Variants in MUC22 observed in about 807,000 individuals in gnomAD.
MUC22 encodes mucin-22.
In MUC22, 24 loss-of-function variants were observed where a neutral mutation model predicts 40.3. The ratio of observed to expected loss-of-function variants is 0.60; its 90% CI spans 0.43 to 0.84. MUC22 has a LOEUF of 0.84. Ranked by LOEUF, MUC22 falls within the 40% of genes least tolerant of loss-of-function variation. The probability of loss-of-function intolerance (pLI) is 0.00; values close to 1 mark genes in which losing one functional copy is unlikely to be tolerated. For missense variants in MUC22, 1,926 were observed against 2,130.7 expected (o/e 0.90, Z 1.89); for synonymous variants, 765 against 844.5 (o/e 0.91, Z 1.63).
At chr6:31,010,853 C>T in intron 1 of MUC22, 77 bp downstream of exon 1, 2 of 676,938 alleles carry the variant, frequency 3.0e-6, no homozygotes, top group African/African-American at 1.8e-5. Flanking sequence ...GAATCCCCTG[C>T]CCAGGCATGA....
chr6:31,034,555 G>A (rs1766304811), intron 3 of MUC22, 117 bp from the exon 4 acceptor site: 1 of 792,064 alleles, frequency 1.3e-6, no homozygotes, highest in African/African-American at 1.7e-5. Flanking sequence ...GTAAAGAGAA[G>A]AGAACATGGG....
upstream of MUC22, among the ~76,000 whole-genome samples, chr6:31,006,560 C>T (rs2844667): frequency 0.15 from 22,466 of 151,986 alleles, 1,741 homozygotes; most frequent in Admixed American, 0.2. Context: ...CTGACGTCAA[C>T]GAGGTGGGGA....
intron 1 of MUC22, among the ~76,000 whole-genome samples, chr6:31,020,853 C>T (rs1764652837): frequency 6.6e-6 from 1 of 152,232 alleles, no homozygotes; most frequent in Non-Finnish European, 1.5e-5. Flanking sequence ...CAGTGAGGGG[C>T]TTAGCACCCG....
chr6:31,026,200 A>G, exon 2 of MUC22: 1 of 1,521,742 alleles, frequency 6.6e-7, no homozygotes, highest in Non-Finnish European at 8.8e-7. Context: ...GAGCTCTGAG[A>G]CCACTGTGGC....
upstream of MUC22, among the ~76,000 whole-genome samples, chr6:31,007,369 TG>T (rs1176375062): frequency 3.3e-5 from 5 of 152,348 alleles, no homozygotes; most frequent in Admixed American, 2.6e-4. The surrounding 1 kb of genome is among the most constrained non-coding windows in gnomAD (Gnocchi z 4.0). Context: ...GGTCCGTTTG[TG>T]GGAAAATGGG....
chr6:31,015,335 A>G (rs948813664), intron 1 of MUC22, among the ~76,000 whole-genome samples: 2 of 152,178 alleles, frequency 1.3e-5, no homozygotes, highest in African/African-American at 4.8e-5. Flanking sequence ...ATATACAGAA[A>G]TTAAAAATAT....
At chr6:31,026,675 A>C (rs1765389336) in exon 2 of MUC22, 1 of 1,506,454 alleles carries the variant, frequency 6.6e-7, no homozygotes, top group South Asian at 1.2e-5. Context: ...GCAGATTCTG[A>C]GACCACTGCA....
At chr6:31,029,190 T>C (rs1765786307) in exon 2 of MUC22, 1 of 1,535,028 alleles carries the variant, frequency 6.5e-7, no homozygotes, top group East Asian at 2.5e-5. Context: ...TTGAAGGCTC[T>C]GAGACCACTA....
At chr6:31,034,672 A>C (rs1178163689) in exon 4 of MUC22, 1 of 1,529,448 alleles carries the variant, frequency 6.5e-7, no homozygotes, top group East Asian at 2.4e-5. Context: ...TTTCTTTTAG[A>C]GAAACCTTTT....
chr6:31,024,055 A>T (rs1765078797), intron 1 of MUC22, among the ~76,000 whole-genome samples: 1 of 152,246 alleles, frequency 6.6e-6, no homozygotes, highest in African/African-American at 2.4e-5. Context: ...AAGATTAATA[A>T]CATGAGCCTA....
chr6:31,021,902 A>C (rs576242334), intron 1 of MUC22, among the ~76,000 whole-genome samples: 1 of 152,042 alleles, frequency 6.6e-6, no homozygotes, highest in African/African-American at 2.4e-5. Context: ...AGATTTTGCT[A>C]CTGCTCACTT....
At chr6:31,021,750 A>C (rs1438333955) in intron 1 of MUC22, among the ~76,000 whole-genome samples, 1 of 152,116 alleles carries the variant, frequency 6.6e-6, no homozygotes, top group Non-Finnish European at 1.5e-5. Flanking sequence ...CCCTGTCAAA[A>C]CAGACCACTC....
chr6:31,016,108 C>G (rs1475793348), intron 1 of MUC22, among the ~76,000 whole-genome samples: 2 of 148,420 alleles, frequency 1.3e-5, no homozygotes, highest in Admixed American at 6.7e-5. Context: ...TTCTCTACAA[C>G]CATTTTTAAG....
At position 31,029,803 on chromosome 6, in the gene MUC22, GCCTCCACTTCAGGCTCTGAGACCAACAC is replaced by G; in HGVS notation, c.4373_4400del (p.Ala1458GlufsTer25). On this transcript the variant is annotated frameshift_variant, in exon 2 of 4. Coordinates refer to ENST00000561890, the Ensembl canonical transcript of MUC22. LOFTEE classifies it high-confidence loss of function. ...CACTGCAGGCTCTGAGACCACCACAGCCTCCACTTCAGGCTCTGAGACCAACACAGCCTGTACCACAGGTTCTGAGACC... is the reference window on the plus strand; with the variant it reads ...CACTGCAGGCTCTGAGACCACCACAGAGCCTGTACCACAGGTTCTGAGACC... The G allele has an allele frequency of 6.8e-7, 1 of 1,475,598 alleles. No individual in the cohort carries two copies. The highest frequency in any genetic ancestry group is 1.3e-5 in the South Asian group (1 of 78,542). 91.4% of individuals were successfully genotyped at this position (1,475,598 alleles called of 1,614,324 possible). A position where few individuals can be genotyped will look rare whatever the true frequency, so the allele number is the denominator to read the frequency against.
rs368579679 is a variant in MUC22 at position 31,035,049 on chromosome 6, T to C, written c.*111T>C. 165 of 1,114,236 alleles carry C rather than the reference T, an allele frequency of 1.5e-4. 2 individuals are homozygous for C. In the African/African-American group the frequency reaches 2.2e-3, roughly 15 times the overall value. The allele number at this position is 1,114,236 out of a possible 1,614,324, so 69.0% of individuals were successfully genotyped here. On this transcript the variant is annotated 3_prime_UTR_variant, in exon 4 of 4. Coordinates refer to ENST00000561890, the Ensembl canonical transcript of MUC22. Reference sequence around the variant, plus strand: ...ACATATTATGGGTGGGAGGGGGTCATGGAGGAGAAAAAAATAATGATCATG... The same window carrying C: ...ACATATTATGGGTGGGAGGGGGTCACGGAGGAGAAAAAAATAATGATCATG...
chr6:31,014,516 AT>A (rs1239241255), intron 1 of MUC22, among the ~76,000 whole-genome samples: 1 of 151,924 alleles, frequency 6.6e-6, no homozygotes, highest in East Asian at 1.9e-4. Context: ...TTCTGGCTTT[AT>A]TTTTCCATCT....
intron 1 of MUC22, among the ~76,000 whole-genome samples, chr6:31,013,129 C>CTTTT (rs28381569): frequency 1.6e-5 from 2 of 121,368 alleles, no homozygotes; most frequent in African/African-American, 2.8e-5. Context: ...CACCCCCATT[C>CTTTT]TTTTTTTTTT....
intron 3 of MUC22, 71 bp from the exon 4 acceptor site, chr6:31,034,601 C>A: frequency 7.8e-7 from 1 of 1,287,700 alleles, no homozygotes; most frequent in Non-Finnish European, 1.0e-6. Flanking sequence ...ATTGGTGAAA[C>A]AGGCATGTAT....
chr6:31,009,752 C>T (rs984426928), upstream of MUC22, among the ~76,000 whole-genome samples: 3 of 152,146 alleles, frequency 2.0e-5, no homozygotes, highest in Non-Finnish European at 2.9e-5. Flanking sequence ...CTGAATTACA[C>T]GGGGTAAATT....
Sources: gnomAD v4.1 joint callset for allele counts (sites outside exome capture counted in the v4.1 genomes callset) on GRCh38, gnomAD v4.1.1 for gene constraint, Gnocchi (gnomAD v3.1) non-coding constraint, MANE v1.5 for transcripts, NCBI Gene and HGNC (gene_info 2026-07-23, HGNC 2026-07-21) for gene names.